ESYT3: variants seen among roughly 807,000 people sequenced by gnomAD.
ESYT3 encodes extended synaptotagmin 3.
ESYT3 carries 101 observed loss-of-function variants against 111.5 expected under a neutral mutation model. That is an observed-to-expected ratio of 0.91 (90% CI 0.77 to 1.07). The LOEUF is 1.07. Among genes scored for constraint, ESYT3 ranks in the 50% least tolerant of loss-of-function variants. ESYT3 has a pLI of 0.00. For synonymous variants in ESYT3, 416 were observed against 446.8 expected (o/e 0.93, Z 0.87); for missense variants, 1,097 against 1,109.4 (o/e 0.99, Z 0.16).
intron 7 of ESYT3, among the ~76,000 whole-genome samples, chr3:138,461,130 C>G (rs1179599317): frequency 6.6e-6 from 1 of 152,214 alleles, no homozygotes; most frequent in Non-Finnish European, 1.5e-5. Flanking sequence ...GAGCCTGGTT[C>G]CTCTGCCTTG....
At chr3:138,469,381 C>T (rs1276531611) in intron 14 of ESYT3, 55 bp from the exon 15 acceptor site, 8 of 1,511,702 alleles carry the variant, frequency 5.3e-6, no homozygotes, top group Non-Finnish European at 7.4e-6. Context: ...GTAGGACTGT[C>T]TCAAGCTGAT....
rs544372331 is a variant in ESYT3 at position 138,452,193 on chromosome 3, T to C, written c.369+104T>C. ...GATGGGGGCCTCGCGGCAATTTCCTTGCCTGACGCGGGCAGGGATGCTCCC... is the reference window on the plus strand; with the variant it reads ...GATGGGGGCCTCGCGGCAATTTCCTCGCCTGACGCGGGCAGGGATGCTCCC... On this transcript the variant is annotated intron_variant, in intron 2 of 22. Coordinates refer to ENST00000389567, the MANE Select transcript of ESYT3 (RefSeq NM_031913.5). The C allele has an allele frequency of 8.8e-6, 10 of 1,140,192 alleles. No individual in the cohort carries two copies. In the Middle Eastern group the frequency reaches 6.2e-4, roughly 70 times the overall value. 70.6% of individuals were successfully genotyped at this position (1,140,192 alleles called of 1,614,324 possible).
downstream of ESYT3, chr3:138,481,188 A>C (rs896766608): frequency 2.0e-5 from 3 of 152,238 alleles, no homozygotes; most frequent in Admixed American, 2.0e-4. Context: ...TAACACGCAA[A>C]GAGCACTAAC....
Position 138,472,660 on chromosome 3 carries a change from G to T in ESYT3, c.2038G>T (p.Gly680Trp), listed in dbSNP as rs372599591. The T allele has an allele frequency of 1.9e-6, 3 of 1,614,064 alleles. No homozygotes were observed. The highest frequency in any genetic ancestry group is 2.7e-5 in the African/African-American group (2 of 74,924). Residue 680 changes from glycine to tryptophan, a missense_variant, in exon 18 of 23, where the codon GGG (glycine) becomes TGG (tryptophan). By Grantham distance (184) the Gly-to-Trp change is radical (BLOSUM62 -2). Transcript: ENST00000389567. ...DSAKRFCEPI[G>W]EKKSPATIFL... Reference sequence around the variant, plus strand: ...TGCCAAAAGGTTCTGTGAGCCCATCGGGGAGAAGAAGAGTCCAGCCACCAT... The same window carrying T: ...TGCCAAAAGGTTCTGTGAGCCCATCTGGGAGAAGAAGAGTCCAGCCACCAT...
chr3:138,440,078 G>A lies in ESYT3; in HGVS notation c.327+4953G>A, dbSNP rs2031027293. On this transcript the variant is annotated intron_variant, in intron 1 of 22. Coordinates refer to ENST00000389567, the MANE Select transcript of ESYT3 (RefSeq NM_031913.5). The surrounding 1 kb of genome is among the most constrained non-coding windows in gnomAD (Gnocchi z 4.2). ...GTTCTATAGAGTCTTCATAGCTGTAGGGTCTGCCATCATTAACCAGTCCCG... is the reference window on the plus strand; with the variant it reads ...GTTCTATAGAGTCTTCATAGCTGTAAGGTCTGCCATCATTAACCAGTCCCG... Among the ~76,000 whole-genome samples the A allele has an allele frequency of 6.6e-6, 1 of 152,288 alleles. No individual in the cohort carries two copies. The highest frequency in any genetic ancestry group is 2.4e-5 in the African/African-American group (1 of 41,564).
intron 1 of ESYT3, among the ~76,000 whole-genome samples, chr3:138,441,906 T>C (rs34963112): frequency 0.063 from 9,627 of 151,944 alleles, 871 homozygotes; most frequent in East Asian, 0.36. Flanking sequence ...GATGCAGAAC[T>C]CAGGTCCCAT....
rs1202028856 is a variant in ESYT3 at position 138,477,508 on chromosome 3, T to C, written c.*654T>C. ...TACTTAAATACCTTGAGTTAAATAC[T>C]CTTGTGTAGTCTAAGGGCCAAACTC... On this transcript the variant is annotated 3_prime_UTR_variant, in exon 23 of 23. Transcript: ENST00000389567. 6.6e-6 allele frequency: 1 copy of C among 152,274 alleles called. No homozygotes were observed. Among genetic ancestry groups the C allele is most frequent in the Admixed American group, 6.5e-5 (1 of 15,268 alleles). 9.4% of individuals were successfully genotyped at this position (152,274 alleles called of 1,614,324 possible). A position where few individuals can be genotyped will look rare whatever the true frequency, so the allele number is the denominator to read the frequency against.
Position 138,434,680 on chromosome 3 carries a change from G to C in ESYT3, c.-119G>C, listed in dbSNP as rs1227135778. 6 of 936,922 alleles carry C rather than the reference G, an allele frequency of 6.4e-6. No individual in the cohort carries two copies. The highest frequency in any genetic ancestry group is 1.7e-5 in the African/African-American group (1 of 58,720). 58.0% of individuals were successfully genotyped at this position (936,922 alleles called of 1,614,324 possible). ...GCTCGGCGCGCCGAGAGTCCCAGCA[G>C]GGCAAGGGGGCGCGGCGTCCTGGTC... On this transcript the variant is annotated 5_prime_UTR_variant, in exon 1 of 23. Coordinates refer to ENST00000389567, the MANE Select transcript of ESYT3 (RefSeq NM_031913.5).
At chr3:138,447,887 T>G (rs2031648708) in intron 1 of ESYT3, among the ~76,000 whole-genome samples, 1 of 152,142 alleles carries the variant, frequency 6.6e-6, no homozygotes, top group Non-Finnish European at 1.5e-5. Context: ...ATTTTTTTTT[T>G]GTAGATTGAC....
In ESYT3 at chr3:138,472,843, A is replaced by G. The variant is rs1271048828; in HGVS notation, c.2221A>G (p.Ile741Val). 3 of 1,614,036 alleles carry G rather than the reference A, an allele frequency of 1.9e-6. No individual in the cohort carries two copies. The highest frequency in any genetic ancestry group is 1.3e-5 in the African/African-American group (1 of 75,064). ...CTCTTCTTGCTTTGACCTGGCAGATATCAGCCTCAACATTGAGTATGCACC... is the reference window on the plus strand; with the variant it reads ...CTCTTCTTGCTTTGACCTGGCAGATGTCAGCCTCAACATTGAGTATGCACC... ...LASSCFDLAD[I>V]SLNIEGGDLR... is the part of the protein sequence containing the mutation. Residue 741 changes from isoleucine to valine, a missense_variant, in exon 18 of 23, where the codon ATC becomes GTC. Ile to Val is a conservative substitution (Grantham distance 29). Coordinates refer to ENST00000389567, the MANE Select transcript of ESYT3 (RefSeq NM_031913.5).
chr3:138,476,362 A>T (rs1432133129), intron 21 of ESYT3, 34 bp downstream of exon 21: 5 of 1,598,552 alleles, frequency 3.1e-6, no homozygotes, highest in Non-Finnish European at 4.3e-6. Flanking sequence ...TACCAAGGAG[A>T]TTATGATCAA....
intron 4 of ESYT3, 92 bp downstream of exon 4, chr3:138,457,736 G>T: frequency 8.1e-7 from 1 of 1,229,930 alleles, no homozygotes; most frequent in South Asian, 1.2e-5. Context: ...TATATACTCT[G>T]ACTTGGGATG....
chr3:138,441,102 G>A (rs536243658), intron 1 of ESYT3, among the ~76,000 whole-genome samples: 1 of 152,244 alleles, frequency 6.6e-6, no homozygotes, highest in African/African-American at 2.4e-5. Context: ...AGGCACTGTG[G>A]TATTGCTGGC....
intron 1 of ESYT3, 99 bp from the exon 2 acceptor site, chr3:138,451,949 A>C: frequency 7.6e-7 from 1 of 1,315,512 alleles, no homozygotes; most frequent in Non-Finnish European, 1.1e-6. Flanking sequence ...GTTGAGGTGC[A>C]GCGCGTGGGC....
At position 138,459,952 on chromosome 3, in the gene ESYT3, G is replaced by T; in HGVS notation, c.656G>T (p.Gly219Val). Residue 219 changes from glycine to valine, a missense_variant, in exon 6 of 23, where the codon GGC (glycine) becomes GTC (valine). Physicochemically the swap from Gly to Val is moderately radical, Grantham distance 109. Transcript: ENST00000389567. Reference sequence around the variant, plus strand: ...CCCTCTGTGCCTATCCAGTTGCAGGGCACCCTGCGGGTCATCCTGGAGCCC... The same window carrying T: ...CCCTCTGTGCCTATCCAGTTGCAGGTCACCCTGCGGGTCATCCTGGAGCCC... ...QAGVNGIQLQ[G>V]TLRVILEPLL... is the part of the protein sequence containing the mutation. 6.2e-7 allele frequency: 1 copy of T among 1,613,942 alleles called. No individual in the cohort carries two copies. The highest frequency in any genetic ancestry group is 8.5e-7 in the Non-Finnish European group (1 of 1,179,896).
At chr3:138,438,641 T>C (rs1178493693) in intron 1 of ESYT3, among the ~76,000 whole-genome samples, 1 of 152,174 alleles carries the variant, frequency 6.6e-6, no homozygotes, top group Non-Finnish European at 1.5e-5. Flanking sequence ...CAGGTGATCA[T>C]AGAAATTTGC....
chr3:138,460,705 TGG>T, intron 7 of ESYT3, 39 bp downstream of exon 7: 1 of 1,608,304 alleles, frequency 6.2e-7, no homozygotes, highest in Non-Finnish European at 8.5e-7. Flanking sequence ...ATCATAAGTT[TGG>T]GGGCCTCCAG....
At chr3:138,470,385 A>G in intron 16 of ESYT3, 2 of 1,229,376 alleles carry the variant, frequency 1.6e-6, no homozygotes, top group Non-Finnish European at 2.1e-6. Flanking sequence ...TCCCTGCAAA[A>G]GGGTCTTTAT....
chr3:138,455,095 A>G, intron 2 of ESYT3, 99 bp from the exon 3 acceptor site: 1 of 1,450,840 alleles, frequency 6.9e-7, no homozygotes, highest in Non-Finnish European at 9.5e-7. Flanking sequence ...CCCCACCCCA[A>G]GACCAGGCTG....
Sources: allele counts gnomAD v4.1 joint callset (sites outside exome capture counted in the v4.1 genomes callset), GRCh38; gene constraint gnomAD v4.1.1; non-coding constraint Gnocchi (gnomAD v3.1); transcripts MANE v1.5; gene names NCBI Gene and HGNC (gene_info 2026-07-23, HGNC 2026-07-21).